Variants in EXT1 observed in about 807,000 individuals in gnomAD.
EXT1 encodes exostosin-1.
EXT1 carries 20 observed loss-of-function variants against 82.5 expected under a neutral mutation model. The observed-to-expected ratio is 0.24, with a 90% CI of 0.17 to 0.35. The LOEUF (loss-of-function observed/expected upper bound fraction) is 0.35, where lower values mean the gene tolerates loss of function less well. EXT1 is among the 10% of genes least tolerant of loss of function. EXT1 has a pLI of 1.00. For missense variants in EXT1, 757 were observed against 936.5 expected, an observed-to-expected ratio of 0.81 and a Z score of 2.50; for synonymous variants, 348 against 350.8, an observed-to-expected ratio of 0.99 and a Z score of 0.09.
At chr8:117,845,789 T>C (rs1299994010) in intron 1 of EXT1, among the ~76,000 whole-genome samples, 3 of 152,104 alleles carry the variant, frequency 2.0e-5, no homozygotes, top group African/African-American at 7.2e-5. Flanking sequence ...CCTCCACTTT[T>C]TAAGCATTTC....
intron 1 of EXT1, among the ~76,000 whole-genome samples, chr8:118,025,097 G>A (rs1431811310): frequency 6.6e-6 from 1 of 152,188 alleles, no homozygotes; most frequent in Non-Finnish European, 1.5e-5. Flanking sequence ...GACAAGCTAG[G>A]AGAAGCAGGA....
At chr8:117,816,003 AGT>A (rs899018697) in intron 7 of EXT1, among the ~76,000 whole-genome samples, 4 of 150,954 alleles carry the variant, frequency 2.6e-5, no homozygotes, top group East Asian at 3.9e-4. Flanking sequence ...ACTGTCTTGT[AGT>A]GTGTGTGTGT....
At chr8:118,105,962 T>G (rs749419917) in intron 1 of EXT1, among the ~76,000 whole-genome samples, 13 of 152,214 alleles carry the variant, frequency 8.5e-5, no homozygotes, top group Non-Finnish European at 1.3e-4. Flanking sequence ...CAATGCACAG[T>G]CTATTCCCTA....
chr8:117,848,002 G>A (rs1341241466), intron 1 of EXT1, among the ~76,000 whole-genome samples: 6 of 152,164 alleles, frequency 3.9e-5, no homozygotes, highest in Admixed American at 2.0e-4. Flanking sequence ...TTGACAGTCA[G>A]GGCTGCCACC....
intron 1 of EXT1, among the ~76,000 whole-genome samples, chr8:118,012,425 T>A (rs1212801402): frequency 6.6e-6 from 1 of 152,210 alleles, no homozygotes; most frequent in African/African-American, 2.4e-5. Flanking sequence ...TTCCTAAGGC[T>A]AGATGGAACA....
At chr8:118,076,522 G>A (rs537209396) in intron 1 of EXT1, among the ~76,000 whole-genome samples, 300 of 152,188 alleles carry the variant, frequency 2.0e-3, no homozygotes, top group Non-Finnish European at 3.5e-3. Context: ...CCCTCTCCCC[G>A]TAGAACACCT....
intron 1 of EXT1, among the ~76,000 whole-genome samples, chr8:117,880,750 C>T (rs937736508): frequency 3.9e-5 from 6 of 152,036 alleles, no homozygotes; most frequent in Non-Finnish European, 8.8e-5. Flanking sequence ...GCCACCACGC[C>T]TGGCTAATTT....
Position 117,903,974 on chromosome 8 carries a change from G to A in EXT1, c.963-66773C>T, listed in dbSNP as rs565594751. Among the ~76,000 whole-genome samples the A allele has an allele frequency of 3.9e-5, 6 of 152,254 alleles. No individual in the cohort carries two copies. The East Asian group carries it at 7.7e-4, about 20-fold the overall frequency. ...TTTGTAAAGTATTTCTTAGGAACAC[G>A]CGTTACTCAAGAGACAGTAACTGAC... On this transcript the variant is annotated intron_variant, in intron 1 of 10. Transcript: ENST00000378204.
intron 1 of EXT1, among the ~76,000 whole-genome samples, chr8:117,869,817 C>T (rs1209469362): frequency 1.3e-5 from 2 of 152,184 alleles, no homozygotes; most frequent in Non-Finnish European, 2.9e-5. Flanking sequence ...TACATACACA[C>T]ACACACTCAC....
At chr8:117,813,712 A>G (rs1823372407) in intron 7 of EXT1, among the ~76,000 whole-genome samples, 1 of 152,216 alleles carries the variant, frequency 6.6e-6, no homozygotes, top group Admixed American at 6.5e-5. Flanking sequence ...ACTGATTTAA[A>G]GAAATATATT....
intron 1 of EXT1, among the ~76,000 whole-genome samples, chr8:117,843,902 G>A (rs1812311939): frequency 6.6e-6 from 1 of 151,974 alleles, no homozygotes; most frequent in African/African-American, 2.4e-5. Flanking sequence ...CATACAACAT[G>A]CAGTGTCTAA....
chr8:117,869,880 A>G (rs1812840724), intron 1 of EXT1, among the ~76,000 whole-genome samples: 1 of 152,132 alleles, frequency 6.6e-6, no homozygotes, highest in African/African-American at 2.4e-5. Flanking sequence ...TACTTTTAAT[A>G]AATGTAGTTC....
At chr8:118,108,205 G>A (rs901605220) in intron 1 of EXT1, among the ~76,000 whole-genome samples, 1 of 152,146 alleles carries the variant, frequency 6.6e-6, no homozygotes, top group African/African-American at 2.4e-5. Context: ...GAATAAAAGG[G>A]TAAGAAAGAT....
At chr8:117,838,405 G>T (rs10094527) in intron 1 of EXT1, among the ~76,000 whole-genome samples, 1 of 151,908 alleles carries the variant, frequency 6.6e-6, no homozygotes, top group African/African-American at 2.4e-5. Flanking sequence ...CTAGGCATAC[G>T]GGAGTAAGCC....
intron 1 of EXT1, among the ~76,000 whole-genome samples, chr8:117,909,040 G>C (rs991879287): frequency 3.9e-5 from 6 of 151,922 alleles, no homozygotes; most frequent in Admixed American, 1.3e-4. Flanking sequence ...GCTGAGGCAG[G>C]AGAATTGCTT....
chr8:117,945,148 C>T (rs940053451), intron 1 of EXT1, among the ~76,000 whole-genome samples: 4 of 152,226 alleles, frequency 2.6e-5, no homozygotes, highest in South Asian at 2.1e-4. Flanking sequence ...GGCAATAGAG[C>T]GAGACTCCGT....
At chr8:118,102,717 T>C (rs1160834507) in intron 1 of EXT1, among the ~76,000 whole-genome samples, 1 of 152,202 alleles carries the variant, frequency 6.6e-6, no homozygotes, top group Non-Finnish European at 1.5e-5. Context: ...ATAGACTGAC[T>C]ACATCAAAGT....
chr8:118,015,658 A>G (rs1815988194), intron 1 of EXT1, among the ~76,000 whole-genome samples: 1 of 152,142 alleles, frequency 6.6e-6, no homozygotes, highest in Non-Finnish European at 1.5e-5. Flanking sequence ...ACGGCATCTA[A>G]ACTAAGAAGG....
chr8:117,942,122 C>G (rs1271529516), intron 1 of EXT1, among the ~76,000 whole-genome samples: 1 of 152,136 alleles, frequency 6.6e-6, no homozygotes, highest in Non-Finnish European at 1.5e-5. Flanking sequence ...CATGGAGGAC[C>G]CATCCATATA....
Sources: allele counts gnomAD v4.1 joint callset (sites outside exome capture counted in the v4.1 genomes callset), GRCh38; gene constraint gnomAD v4.1.1; transcripts MANE v1.5; gene names NCBI Gene and HGNC (gene_info 2026-07-23, HGNC 2026-07-21).